The following SPOCK1 variants were observed in gnomAD, a reference collection of about 807,000 sequenced individuals.
SPOCK1 encodes testican-1.
A neutral mutation model predicts 55.3 loss-of-function variants in SPOCK1; 23 were observed. That is an observed-to-expected ratio of 0.42 (90% CI 0.30 to 0.59). SPOCK1 has a LOEUF of 0.59. Among genes scored for constraint, SPOCK1 ranks in the 20% least tolerant of loss-of-function variants. SPOCK1 has a pLI of 0.22. For missense variants in SPOCK1, 499 were observed against 552.5 expected (o/e 0.90, Z 0.97); for synonymous variants, 226 against 221.0 (o/e 1.02, Z -0.20).
chr5:137,330,828 T>C (rs1034881154), intron 2 of SPOCK1, among the ~76,000 whole-genome samples: 6 of 152,236 alleles, frequency 3.9e-5, no homozygotes, highest in Non-Finnish European at 8.8e-5. Context: ...AGCCAAGCAC[T>C]ATTCAGCCAT....
At chr5:137,477,200 C>T (rs780861166) in intron 2 of SPOCK1, among the ~76,000 whole-genome samples, 11 of 152,068 alleles carry the variant, frequency 7.2e-5, no homozygotes, top group African/African-American at 1.7e-4. Flanking sequence ...CATTTTAAAA[C>T]GAAGGGGGCA....
intron 2 of SPOCK1, among the ~76,000 whole-genome samples, chr5:137,496,510 C>T (rs559576709): frequency 7.9e-4 from 121 of 152,270 alleles, no homozygotes; most frequent in African/African-American, 2.8e-3. Context: ...CCAGGAGCAC[C>T]AAGGCATCTA....
At chr5:137,278,535 C>T (rs1463189862) in intron 2 of SPOCK1, among the ~76,000 whole-genome samples, 1 of 152,144 alleles carries the variant, frequency 6.6e-6, no homozygotes, top group Non-Finnish European at 1.5e-5. Flanking sequence ...CAGGGCCCAC[C>T]ACATGGGTAG....
intron 3 of SPOCK1, among the ~76,000 whole-genome samples, chr5:137,227,198 A>G (rs540192922): frequency 1.3e-5 from 2 of 152,324 alleles, no homozygotes; most frequent in East Asian, 3.9e-4. Flanking sequence ...CTTAGCTTCA[A>G]GGCAGTGGAG....
chr5:137,217,562 T>C (rs1314557092), intron 3 of SPOCK1, among the ~76,000 whole-genome samples: 1 of 152,248 alleles, frequency 6.6e-6, no homozygotes, highest in Non-Finnish European at 1.5e-5. Flanking sequence ...GCCTCTGTGC[T>C]GCTTAGAGGT....
At chr5:137,205,410 G>A (rs1404171031) in intron 3 of SPOCK1, among the ~76,000 whole-genome samples, 1 of 152,210 alleles carries the variant, frequency 6.6e-6, no homozygotes, top group Admixed American at 6.5e-5. Context: ...TTCAAGCAGG[G>A]ACAAGTCAAC....
At chr5:137,428,083 T>C (rs1752672688) in intron 2 of SPOCK1, among the ~76,000 whole-genome samples, 1 of 152,128 alleles carries the variant, frequency 6.6e-6, no homozygotes, top group African/African-American at 2.4e-5. Flanking sequence ...CAGGACTTTC[T>C]ATGGATAAGC....
chr5:136,988,968 T>C (rs1750896568), intron 7 of SPOCK1: 1 of 213,706 alleles, frequency 4.7e-6, no homozygotes, highest in African/African-American at 2.3e-5. Flanking sequence ...AATAGAAACA[T>C]GGTGAGTGAG....
intron 3 of SPOCK1, among the ~76,000 whole-genome samples, chr5:137,172,737 T>C (rs1308808534): frequency 6.6e-6 from 1 of 152,110 alleles, no homozygotes; most frequent in African/African-American, 2.4e-5. Flanking sequence ...CCAATCTGTG[T>C]CTGTGCTAAT....
chr5:137,028,186 C>G (rs114292840), intron 6 of SPOCK1, among the ~76,000 whole-genome samples: 269 of 152,270 alleles, frequency 1.8e-3, no homozygotes, highest in African/African-American at 6.1e-3. Flanking sequence ...TCCCCAGGGA[C>G]ACAGGTGAAG....
chr5:137,368,247 G>A (rs2127169436), intron 2 of SPOCK1, among the ~76,000 whole-genome samples: 2 of 152,298 alleles, frequency 1.3e-5, no homozygotes, highest in Middle Eastern at 3.4e-3. Context: ...AAAACAGCCA[G>A]GGAAATCCAG....
chr5:137,484,130 C>T (rs749528292), intron 2 of SPOCK1, among the ~76,000 whole-genome samples: 1 of 152,232 alleles, frequency 6.6e-6, no homozygotes. Flanking sequence ...ACCTCCTCCA[C>T]CACAAGGGCA....
intron 2 of SPOCK1, among the ~76,000 whole-genome samples, chr5:137,428,183 G>A (rs775360795): frequency 9.9e-5 from 15 of 152,198 alleles, no homozygotes; most frequent in Non-Finnish European, 1.6e-4. Context: ...TTAAAAACAA[G>A]TTAGAATGTG....
intron 2 of SPOCK1, among the ~76,000 whole-genome samples, chr5:137,278,915 C>A: frequency 6.6e-6 from 1 of 152,142 alleles, no homozygotes; most frequent in East Asian, 1.9e-4. Context: ...CTATTGAGGA[C>A]CAATGTACTA....
At chr5:137,429,316 G>A (rs1415393617) in intron 2 of SPOCK1, among the ~76,000 whole-genome samples, 1 of 152,140 alleles carries the variant, frequency 6.6e-6, no homozygotes, top group Admixed American at 6.5e-5. Flanking sequence ...TCTGTTTAAG[G>A]CAGAACTTTC....
chr5:137,072,162 C>A (rs1441512005), intron 5 of SPOCK1, among the ~76,000 whole-genome samples: 2 of 152,064 alleles, frequency 1.3e-5, no homozygotes, highest in Non-Finnish European at 2.9e-5. Flanking sequence ...AAGAACTTGG[C>A]CAAGTTGTAT....
intron 2 of SPOCK1, among the ~76,000 whole-genome samples, chr5:137,432,290 A>T (rs1249866579): frequency 6.6e-6 from 1 of 152,240 alleles, no homozygotes; most frequent in Non-Finnish European, 1.5e-5. Flanking sequence ...GGGACTGGAG[A>T]AGATATCTGT....
At chr5:137,117,971 G>A (rs1469059172) in intron 4 of SPOCK1, among the ~76,000 whole-genome samples, 1 of 152,094 alleles carries the variant, frequency 6.6e-6, no homozygotes, top group African/African-American at 2.4e-5. Context: ...TATTTTATGT[G>A]TTTTTTTAAA....
chr5:137,385,558 T>C (rs1444415707), intron 2 of SPOCK1, among the ~76,000 whole-genome samples: 2 of 152,178 alleles, frequency 1.3e-5, no homozygotes, highest in Non-Finnish European at 2.9e-5. Flanking sequence ...GTTAAATAAA[T>C]GTCTAATAAC....
Sources: gnomAD v4.1 joint callset for allele counts (sites outside exome capture counted in the v4.1 genomes callset) on GRCh38, gnomAD v4.1.1 for gene constraint, MANE v1.5 for transcripts, NCBI Gene and HGNC (gene_info 2026-07-23, HGNC 2026-07-21) for gene names.